Variants in SGMS1 observed in about 807,000 individuals in gnomAD.
SGMS1 encodes the protein sphingomyelin synthase 1.
SGMS1 carries 13 observed loss-of-function variants against 46.2 expected under a neutral mutation model. The observed-to-expected ratio is 0.28, with a 90% CI of 0.18 to 0.45. The LOEUF (loss-of-function observed/expected upper bound fraction) is 0.45, where lower values mean the gene tolerates loss of function less well. Among genes scored for constraint, SGMS1 ranks in the 20% least tolerant of loss-of-function variants. The pLI is 1.00. For missense variants in SGMS1, 324 were observed against 519.9 expected (o/e 0.62, Z 3.66); for synonymous variants, 203 against 187.8 (o/e 1.08, Z -0.66).
intron 2 of SGMS1, among the ~76,000 whole-genome samples, chr10:50,582,451 A>T (rs931282254): frequency 2.0e-5 from 3 of 152,262 alleles, no homozygotes; most frequent in African/African-American, 7.2e-5. Flanking sequence ...AGCACTCTGC[A>T]GTGGTCCAAA....
chr10:50,409,306 T>C (rs1849065353), intron 6 of SGMS1, among the ~76,000 whole-genome samples: 2 of 152,236 alleles, frequency 1.3e-5, no homozygotes, highest in African/African-American at 4.8e-5. Context: ...TTGTTAACTA[T>C]AGTCACCCTA....
At chr10:50,453,810 AGG>A (rs1837147545) in intron 5 of SGMS1, among the ~76,000 whole-genome samples, 2 of 24,266 alleles carry the variant, frequency 8.2e-5, no homozygotes, top group Admixed American at 5.3e-4. Flanking sequence ...GGAAGGAGGG[AGG>A]GAGGAAGGGA....
At chr10:50,522,962 C>T (rs1829914961) in intron 2 of SGMS1, among the ~76,000 whole-genome samples, 1 of 152,168 alleles carries the variant, frequency 6.6e-6, no homozygotes, top group South Asian at 2.1e-4. Flanking sequence ...CAGCCTTAAA[C>T]TCCAGTCTCT....
intron 2 of SGMS1, among the ~76,000 whole-genome samples, chr10:50,583,666 C>G (rs1305276769): frequency 6.6e-6 from 1 of 152,156 alleles, no homozygotes; most frequent in Non-Finnish European, 1.5e-5. Flanking sequence ...TAGTCTAGCC[C>G]CTCCTGAAGG....
At chr10:50,336,776 A>G (rs2133340526) in intron 7 of SGMS1, among the ~76,000 whole-genome samples, 1 of 152,322 alleles carries the variant, frequency 6.6e-6, no homozygotes, top group Middle Eastern at 3.4e-3. Context: ...GCAAGTCAAT[A>G]GCTTCTCCAA....
chr10:50,448,777 T>C (rs1296131842), intron 5 of SGMS1, among the ~76,000 whole-genome samples: 2 of 145,498 alleles, frequency 1.4e-5, no homozygotes, highest in East Asian at 4.1e-4. Flanking sequence ...AAAAGACATA[T>C]ACACACTAGG....
At chr10:50,546,495 G>A (rs1838102001) in intron 2 of SGMS1, among the ~76,000 whole-genome samples, 1 of 152,076 alleles carries the variant, frequency 6.6e-6, no homozygotes, top group African/African-American at 2.4e-5. Flanking sequence ...ATGATAGACT[G>A]GATTAAGAAA....
chr10:50,317,501 C>A (rs1847358942), intron 8 of SGMS1, among the ~76,000 whole-genome samples: 1 of 152,078 alleles, frequency 6.6e-6, no homozygotes, highest in African/African-American at 2.4e-5. Flanking sequence ...GGTTCAGAGC[C>A]CAAATGTCTT....
intron 2 of SGMS1, among the ~76,000 whole-genome samples, chr10:50,535,962 T>G (rs1327375962): frequency 6.6e-6 from 1 of 152,184 alleles, no homozygotes; most frequent in Non-Finnish European, 1.5e-5. Flanking sequence ...TACATTCTTC[T>G]TCTTTACTAT....
chr10:50,558,945 T>A (rs1322590901), intron 2 of SGMS1, among the ~76,000 whole-genome samples: 2 of 152,154 alleles, frequency 1.3e-5, no homozygotes, highest in South Asian at 2.1e-4. Flanking sequence ...TAAGTAGTTA[T>A]GTTTTGGGGG....
rs556790332 is a variant in SGMS1 at position 50,386,875 on chromosome 10, G to A, written c.-231-42530C>T. 9.2e-5 allele frequency among the ~76,000 whole-genome samples: 14 copies of A among 152,274 alleles called. No homozygotes were observed. The South Asian group carries it at 1.9e-3, about 20-fold the overall frequency. ...GTACTGAAAGCCTACTATGACCCGAGCTTTTTAAAAGTATAAGCTCACTAA... is the reference window on the plus strand; with the variant it reads ...GTACTGAAAGCCTACTATGACCCGAACTTTTTAAAAGTATAAGCTCACTAA... On this transcript the variant is annotated intron_variant, in intron 6 of 10. Coordinates refer to ENST00000361781, the MANE Select transcript of SGMS1 (RefSeq NM_147156.4).
At chr10:50,420,412 C>T (rs1012050809) in intron 6 of SGMS1, among the ~76,000 whole-genome samples, 22 of 152,186 alleles carry the variant, frequency 1.4e-4, no homozygotes, top group Non-Finnish European at 2.9e-5. Context: ...TTCCAGCAGG[C>T]GGGCCCCTCC....
chr10:50,339,994 A>T (rs1160454195), intron 7 of SGMS1, among the ~76,000 whole-genome samples: 2 of 152,194 alleles, frequency 1.3e-5, no homozygotes, highest in African/African-American at 4.8e-5. Context: ...ATGGATCTAA[A>T]ATTAGAATGG....
intron 2 of SGMS1, among the ~76,000 whole-genome samples, chr10:50,588,556 A>T (rs1838508349): frequency 6.6e-6 from 1 of 152,148 alleles, no homozygotes; most frequent in African/African-American, 2.4e-5. Flanking sequence ...TCAAATTATG[A>T]GGCTGGGAAT....
intron 6 of SGMS1, among the ~76,000 whole-genome samples, chr10:50,427,718 T>A (rs1016866289): frequency 1.3e-5 from 2 of 152,170 alleles, no homozygotes; most frequent in Non-Finnish European, 2.9e-5. Context: ...GGATAGCTAC[T>A]TGAATAGACA....
At chr10:50,566,293 T>TA (rs977539925) in intron 2 of SGMS1, among the ~76,000 whole-genome samples, 1 of 152,156 alleles carries the variant, frequency 6.6e-6, no homozygotes, top group African/African-American at 2.4e-5. Context: ...CTTTTTTTTT[T>TA]AACCTTTAAC....
At chr10:50,326,688 A>C (rs927745157) in intron 8 of SGMS1, among the ~76,000 whole-genome samples, 14 of 152,174 alleles carry the variant, frequency 9.2e-5, no homozygotes, top group African/African-American at 3.4e-4. Context: ...GAGAGGAATA[A>C]AGTTTATTTT....
At chr10:50,503,482 C>T (rs1291276591) in intron 3 of SGMS1, among the ~76,000 whole-genome samples, 1 of 152,112 alleles carries the variant, frequency 6.6e-6, no homozygotes, top group African/African-American at 2.4e-5. Flanking sequence ...CTAAAGCTCC[C>T]CTACTGAGCA....
intron 3 of SGMS1, among the ~76,000 whole-genome samples, chr10:50,507,332 C>A (rs1485984060): frequency 6.6e-6 from 1 of 152,216 alleles, no homozygotes; most frequent in Non-Finnish European, 1.5e-5. Context: ...TGCCACTGAT[C>A]TGAGTTCACA....
Sources: allele counts gnomAD v4.1 joint callset (sites outside exome capture counted in the v4.1 genomes callset), GRCh38; gene constraint gnomAD v4.1.1; transcripts MANE v1.5; gene names NCBI Gene and HGNC (gene_info 2026-07-23, HGNC 2026-07-21).